Variants in ZNF620 observed in about 807,000 individuals in gnomAD.
ZNF620 encodes the protein zinc finger protein 620.
In ZNF620, 10 loss-of-function variants were observed where a neutral mutation model predicts 13.3. The observed-to-expected ratio is 0.75, with a 90% CI of 0.46 to 1.28. The LOEUF (loss-of-function observed/expected upper bound fraction) is 1.28, where lower values mean the gene tolerates loss of function less well. ZNF620 is among the 50% of genes most tolerant of loss of function. ZNF620 has a pLI of 0.00. For missense variants in ZNF620, 461 were observed against 500.2 expected, an observed-to-expected ratio of 0.92 and a Z score of 0.75; for synonymous variants, 166 against 177.6, an observed-to-expected ratio of 0.93 and a Z score of 0.52.
chr3:40,511,596 G>T lies in ZNF620; in HGVS notation c.151G>T (p.Ala51Ser). 1 of 1,612,540 alleles carries T rather than the reference G, an allele frequency of 6.2e-7. No homozygotes were observed. The highest frequency in any genetic ancestry group is 8.5e-7 in the Non-Finnish European group (1 of 1,179,356). Residue 51 changes from alanine to serine, a missense_variant and splice_region_variant, in exon 3 of 5, where the codon GCA becomes TCA. Physicochemically the swap from Ala to Ser is moderately conservative, Grantham distance 99. Coordinates refer to ENST00000314529, the MANE Select transcript of ZNF620 (RefSeq NM_175888.4). ...GAATTATGCAAATGTGGCTTCCCTG[G>T]GTAAGACATTTCTTCTTGTTTTTGG... Reference protein sequence around the residue: ...LENYANVASLAFPFTTPVLVS... With the variant: ...LENYANVASLSFPFTTPVLVS...
At chr3:40,506,454 T>C (rs1039666914) in intron 2 of ZNF620, 78 bp downstream of exon 2, 2 of 1,528,380 alleles carry the variant, frequency 1.3e-6, no homozygotes, top group African/African-American at 1.4e-5. Flanking sequence ...ATTCAGATCT[T>C]GAGTTGTGTA....
At chr3:40,506,803 T>C (rs1327262209) in intron 2 of ZNF620, among the ~76,000 whole-genome samples, 1 of 152,152 alleles carries the variant, frequency 6.6e-6, no homozygotes, top group Non-Finnish European at 1.5e-5. Context: ...TTTTATTTTA[T>C]TTTGTCTTGC....
intron 2 of ZNF620, among the ~76,000 whole-genome samples, 158 bp downstream of exon 2, chr3:40,506,534 C>A (rs1003907643): frequency 6.6e-6 from 1 of 152,070 alleles, no homozygotes; most frequent in Non-Finnish European, 1.5e-5. Context: ...CAAATTAAGA[C>A]TAGAAAACTA....
At chr3:40,506,458 T>G in intron 2 of ZNF620, 82 bp downstream of exon 2, 1 of 1,474,582 alleles carries the variant, frequency 6.8e-7, no homozygotes, top group Non-Finnish European at 9.3e-7. Context: ...AGATCTTGAG[T>G]TGTGTAGGCC....
In ZNF620 at chr3:40,513,319, ATAT is replaced by A. The variant is rs1698264884; in HGVS notation, c.265+805_265+807del. Reference sequence around the variant, plus strand: ...GTCTCAACTAAAAAAAAAAAAAAATATATATATATATATATATATATATATATA... The same window carrying A: ...GTCTCAACTAAAAAAAAAAAAAAATAATATATATATATATATATATATATA... On this transcript the variant is annotated intron_variant, in intron 4 of 4. Coordinates refer to ENST00000314529, the MANE Select transcript of ZNF620 (RefSeq NM_175888.4). Among the ~76,000 whole-genome samples the A allele has an allele frequency of 8.5e-4, 81 of 94,942 alleles. 1 individual carries two copies. The highest frequency in any genetic ancestry group is 3.4e-3 in the African/African-American group (64 of 18,818). The allele number at this position is 94,942 out of a possible 152,430, so 62.3% of individuals were successfully genotyped here.
At chr3:40,512,124 A>C (rs545450767) in intron 3 of ZNF620, among the ~76,000 whole-genome samples, 4 of 152,210 alleles carry the variant, frequency 2.6e-5, no homozygotes, top group Admixed American at 2.6e-4. Flanking sequence ...TACCCAAAAC[A>C]TGGGGGGGAA....
intron 4 of ZNF620, among the ~76,000 whole-genome samples, chr3:40,514,163 T>A (rs1262706459): frequency 6.6e-6 from 1 of 152,200 alleles, no homozygotes; most frequent in East Asian, 1.9e-4. Flanking sequence ...CTGTTGATGC[T>A]GTGCTTCAGT....
chr3:40,512,430 C>A lies in ZNF620; in HGVS notation c.180C>A (p.Val60=), dbSNP rs1464462076. Residue 60 remains valine, a synonymous_variant, in exon 4 of 5, where the codon GTC becomes GTA. Coordinates refer to ENST00000314529, the MANE Select transcript of ZNF620 (RefSeq NM_175888.4). ...LAFPFTTPVL[V]SQLEQGELPW... is the part of the protein sequence containing the mutation. Reference sequence around the variant, plus strand: ...TCCCATTCACCACGCCTGTTCTGGTCTCCCAGCTGGAGCAAGGGGAACTGC... The same window carrying A: ...TCCCATTCACCACGCCTGTTCTGGTATCCCAGCTGGAGCAAGGGGAACTGC... 2 of 1,614,116 alleles carry A rather than the reference C, an allele frequency of 1.2e-6. No homozygotes were observed. The highest frequency in any genetic ancestry group is 2.2e-5 in the East Asian group (1 of 44,892).
intron 2 of ZNF620, among the ~76,000 whole-genome samples, chr3:40,509,392 G>A (rs1186258748): frequency 6.6e-6 from 1 of 151,932 alleles, no homozygotes; most frequent in African/African-American, 2.4e-5. Flanking sequence ...CACCATGCCT[G>A]GCACATTTTT....
At position 40,509,301 on chromosome 3, in the gene ZNF620, G is replaced by A. The variant is rs567379276; in HGVS notation, c.25-2169G>A. Among the ~76,000 whole-genome samples, 8 of 151,578 alleles carry A rather than the reference G, an allele frequency of 5.3e-5. No homozygotes were observed. In the Middle Eastern group the frequency reaches 0.01, roughly 193 times the overall value. On this transcript the variant is annotated intron_variant, in intron 2 of 4. Coordinates refer to ENST00000314529, the MANE Select transcript of ZNF620 (RefSeq NM_175888.4). ...GGCTGGAGTGCAATGGTATGATCTC[G>A]GCTCATTGCAATTTCTGCTTTCTGG...
chr3:40,506,393 T>TACCAACCAA lies in ZNF620; in HGVS notation c.24+17_24+18insACCAACCAA. The TACCAACCAA allele has an allele frequency of 6.4e-7, 1 of 1,556,012 alleles. No individual in the cohort carries two copies. The highest frequency in any genetic ancestry group is 8.8e-7 in the Non-Finnish European group (1 of 1,132,310). On this transcript the variant is annotated intron_variant, in intron 2 of 4. Transcript: ENST00000314529. Reference sequence around the variant, plus strand: ...TGGCGCCAGGTGAGTGAGCATCCTCTCCCTCCCTCCCACCCTTTAGATGTC... The same window carrying TACCAACCAA: ...TGGCGCCAGGTGAGTGAGCATCCTCTACCAACCAACCCTCCCTCCCACCCTTTAGATGTC...
chr3:40,509,749 C>CA (rs1313496737), intron 2 of ZNF620, among the ~76,000 whole-genome samples: 1 of 152,162 alleles, frequency 6.6e-6, no homozygotes, highest in Non-Finnish European at 1.5e-5. Context: ...CCTATAAACT[C>CA]AAGCTGCCTT....
Position 40,516,035 on chromosome 3 carries a change from G to C in ZNF620, c.441G>C (p.Lys147Asn). The change falls in exon 5 of 5, where the codon AAG becomes AAC. Residue 147 changes from lysine to asparagine, a missense_variant. Lys to Asn is a moderately conservative substitution (Grantham distance 94). Transcript: ENST00000314529. ...ATTGGATAATTAAGACAAAGTCAAA[G>C]AGGAGACATTTCACAGATACCTCAG... is the stretch of plus-strand genomic sequence containing the variant. ...QGHWIIKTKS[K>N]RRHFTDTSAR... 1 of 1,614,150 alleles carries C rather than the reference G, an allele frequency of 6.2e-7. No individual in the cohort carries two copies. Among genetic ancestry groups the C allele is most frequent in the Non-Finnish European group, 8.5e-7 (1 of 1,180,026 alleles).
At position 40,516,424 on chromosome 3, in the gene ZNF620, A is replaced by AAAAGCCCT; in HGVS notation, c.832_839dup (p.Tyr280Ter). 1 of 1,614,246 alleles carries AAAAGCCCT rather than the reference A, an allele frequency of 6.2e-7. No individual in the cohort carries two copies. The highest frequency in any genetic ancestry group is 2.2e-5 in the East Asian group (1 of 44,892). ...CAGCATCAGAGAATCCACACTGGAG[A>AAAAGCCCT]AAAGCCCTATGAATGTAAGGAGTGC... On this transcript the variant is annotated frameshift_variant, in exon 5 of 5. Coordinates refer to ENST00000314529, the MANE Select transcript of ZNF620 (RefSeq NM_175888.4). LOFTEE classifies it low-confidence loss of function (END_TRUNC).
chr3:40,516,815 C>G lies in ZNF620; in HGVS notation c.1221C>G (p.Phe407Leu), dbSNP rs1698405550. ...CGKTFSWCGRFILHQKLHTQK... is the reference protein window; with the variant it reads ...CGKTFSWCGRLILHQKLHTQK... ...AAACCTTCAGCTGGTGTGGAAGATT[C>G]ATTCTGCATCAGAAACTACACACTC... Residue 407 changes from phenylalanine (F) to leucine (L), a missense_variant, in exon 5 of 5, where the codon TTC becomes TTG. Phe to Leu is a conservative substitution (Grantham distance 22, BLOSUM62 0). Transcript: ENST00000314529. The G allele has an allele frequency of 5.0e-6, 8 of 1,613,396 alleles. No individual in the cohort carries two copies. Among genetic ancestry groups the G allele is most frequent in the Middle Eastern group, 1.6e-4 (1 of 6,082 alleles).
chr3:40,516,255 GAA>G lies in ZNF620; in HGVS notation c.664_665del (p.Lys222ValfsTer3), dbSNP rs745557474. 1.9e-6 allele frequency: 3 copies of G among 1,614,066 alleles called. No homozygotes were observed. Among genetic ancestry groups the G allele is most frequent in the Non-Finnish European group, 2.5e-6 (3 of 1,180,040 alleles). ...CCGACATGAGAAATGTCACACTGGT[GAA>G]AAGTCTTTTGAATGCAAAGAATGTG... ...FHRHEKCHTG[E>X]KSFECKECGK... On this transcript the variant is annotated frameshift_variant, in exon 5 of 5. Transcript: ENST00000314529. LOFTEE classifies it low-confidence loss of function (END_TRUNC).
Position 40,511,588 on chromosome 3 carries a change from C to T in ZNF620, c.143C>T (p.Ala48Val). 4 of 1,613,342 alleles carry T rather than the reference C, an allele frequency of 2.5e-6. No homozygotes were observed. The highest frequency in any genetic ancestry group is 2.5e-6 in the Non-Finnish European group (3 of 1,179,614). Residue 48 changes from alanine (A) to valine (V), a missense_variant, in exon 3 of 5, where the codon GCT (alanine) becomes GTT (valine). By Grantham distance (64) the Ala-to-Val change is moderately conservative (BLOSUM62 0). Transcript: ENST00000314529. The part of the protein sequence containing the change: ...EVMLENYANV[A>V]SLAFPFTTPV... ...ATGCTGGAGAATTATGCAAATGTGG[C>T]TTCCCTGGGTAAGACATTTCTTCTT... is the stretch of plus-strand genomic sequence containing the variant.
In ZNF620 at chr3:40,516,279, T is replaced by C. The variant is rs142789517; in HGVS notation, c.685T>C (p.Cys229Arg). 3.1e-6 allele frequency: 5 copies of C among 1,614,070 alleles called. No individual in the cohort carries two copies. In the African/African-American group the frequency reaches 5.3e-5, roughly 17 times the overall value. Residue 229 changes from cysteine (C) to arginine (R), a missense_variant, in exon 5 of 5, where the codon TGT becomes CGT. Cys to Arg is a radical substitution (Grantham distance 180). Transcript: ENST00000314529. ...TGAAAAGTCTTTTGAATGCAAAGAA[T>C]GTGGAAAATACTTCAGATATAACTC... is the stretch of plus-strand genomic sequence containing the variant. The part of the protein sequence containing the change: ...TGEKSFECKE[C>R]GKYFRYNSLL...
intron 4 of ZNF620, among the ~76,000 whole-genome samples, chr3:40,514,655 C>A (rs1698316602): frequency 6.6e-6 from 1 of 152,046 alleles, no homozygotes; most frequent in Non-Finnish European, 1.5e-5. Flanking sequence ...ACCTGTAGTA[C>A]CAGCTCCTGG....
Sources: gnomAD v4.1 joint callset for allele counts (sites outside exome capture counted in the v4.1 genomes callset) on GRCh38, gnomAD v4.1.1 for gene constraint, MANE v1.5 for transcripts, NCBI Gene and HGNC (gene_info 2026-07-23, HGNC 2026-07-21) for gene names.